Variants in ADAMTS12 observed in about 807,000 individuals in gnomAD.
The protein encoded by ADAMTS12 is A disintegrin and metalloproteinase with thrombospondin motifs 12.
A neutral mutation model predicts 167.8 loss-of-function variants in ADAMTS12; 118 were observed. That is an observed-to-expected ratio of 0.70 (90% CI 0.61 to 0.82). The LOEUF (loss-of-function observed/expected upper bound fraction) is 0.82. ADAMTS12 is among the 40% of genes least tolerant of loss of function. The probability of loss-of-function intolerance (pLI) is 0.00; values close to 1 mark genes in which losing one functional copy is unlikely to be tolerated. For missense variants in ADAMTS12, 1,916 were observed against 1,998.8 expected, an observed-to-expected ratio of 0.96 and a Z score of 0.79; for synonymous variants, 704 against 716.9, an observed-to-expected ratio of 0.98 and a Z score of 0.29.
At chr5:33,643,290 A>T (rs10066043) in intron 10 of ADAMTS12, 88 bp downstream of exon 10, 792,973 of 1,301,656 alleles carry the variant, frequency 0.61, 244,709 homozygotes, top group East Asian at 0.65. Context: ...TCCCTTAGAG[A>T]GAGTTGCCCT....
intron 2 of ADAMTS12, among the ~76,000 whole-genome samples, chr5:33,756,607 C>T (rs1561254609): frequency 1.3e-5 from 2 of 152,078 alleles, no homozygotes; most frequent in Non-Finnish European, 1.5e-5. Flanking sequence ...ACCCAGCACA[C>T]CCTACCCTCT....
Position 33,637,667 on chromosome 5 carries a change from C to T in ADAMTS12, c.1798G>A (p.Ala600Thr), listed in dbSNP as rs923118908. Residue 600 changes from alanine to threonine, a missense_variant, in exon 12 of 24, where the codon GCA (alanine) becomes ACA (threonine). Ala to Thr is a moderately conservative substitution (Grantham distance 58, BLOSUM62 0). Transcript: ENST00000504830. The part of the protein sequence containing the change: ...LCNVHPCRSE[A>T]PTFRQMQCSE... ...CACTGCATCTGCCGAAATGTTGGTG[C>T]CTCTGAGCGACAGGGGTGGACGTTG... 2.5e-6 allele frequency: 4 copies of T among 1,613,648 alleles called. No homozygotes were observed. The highest frequency in any genetic ancestry group is 3.3e-5 in the Admixed American group (2 of 59,988).
intron 14 of ADAMTS12, among the ~76,000 whole-genome samples, chr5:33,621,981 C>T (rs1042887404): frequency 2.6e-5 from 4 of 152,154 alleles, no homozygotes; most frequent in African/African-American, 4.8e-5. Context: ...TAACACACTG[C>T]GAGCAACCAT....
chr5:33,663,337 C>T (rs1323460020), intron 5 of ADAMTS12, among the ~76,000 whole-genome samples: 1 of 152,024 alleles, frequency 6.6e-6, no homozygotes, highest in African/African-American at 2.4e-5. Flanking sequence ...AGATTAACAG[C>T]CCTCCCTAGA....
chr5:33,798,820 C>T (rs1397483156), intron 2 of ADAMTS12, among the ~76,000 whole-genome samples: 7 of 152,224 alleles, frequency 4.6e-5, no homozygotes, highest in Middle Eastern at 6.8e-3. Context: ...TCTTTAAAGG[C>T]TCTGTCTCCA....
chr5:33,603,847 AG>A (rs1398171492), intron 16 of ADAMTS12: 2 of 152,254 alleles, frequency 1.3e-5, no homozygotes, highest in African/African-American at 4.8e-5. Flanking sequence ...AAACAAAATT[AG>A]ATTATAAAAT....
chr5:33,839,333 T>A (rs550118041), intron 2 of ADAMTS12, among the ~76,000 whole-genome samples: 2 of 152,342 alleles, frequency 1.3e-5, no homozygotes, highest in African/African-American at 4.8e-5. Flanking sequence ...ATTTCAAGTG[T>A]CTTTTATAGG....
chr5:33,740,066 G>A (rs910096715), intron 3 of ADAMTS12, among the ~76,000 whole-genome samples: 8 of 152,204 alleles, frequency 5.3e-5, no homozygotes, highest in African/African-American at 1.9e-4. Flanking sequence ...TCATGTAACT[G>A]ATGAGGAAAA....
chr5:33,804,435 G>A (rs1406204678), intron 2 of ADAMTS12, among the ~76,000 whole-genome samples: 1 of 152,164 alleles, frequency 6.6e-6, no homozygotes, highest in African/African-American at 2.4e-5. Context: ...GCCCAACCCT[G>A]CATGAGGGGC....
At chr5:33,611,277 C>A (rs960736341) in intron 16 of ADAMTS12, among the ~76,000 whole-genome samples, 5 of 151,312 alleles carry the variant, frequency 3.3e-5, no homozygotes, top group Admixed American at 6.6e-5. Flanking sequence ...CCCTAGTTAA[C>A]CCTGGGGAAA....
chr5:33,671,511 C>A (rs997801805), intron 5 of ADAMTS12, among the ~76,000 whole-genome samples: 93 of 152,190 alleles, frequency 6.1e-4, no homozygotes, highest in Non-Finnish European at 7.4e-5. Context: ...CAGAAAAATA[C>A]AAAAACACCT....
chr5:33,535,029 C>G (rs1220278964), intron 22 of ADAMTS12, 37 bp from the exon 23 acceptor site: 1 of 1,550,738 alleles, frequency 6.4e-7, no homozygotes, highest in Non-Finnish European at 8.7e-7. Flanking sequence ...AGAAGTCCTC[C>G]CCACGACTCC....
chr5:33,834,026 G>T (rs765341095), intron 2 of ADAMTS12, among the ~76,000 whole-genome samples: 1 of 145,534 alleles, frequency 6.9e-6, no homozygotes, highest in Non-Finnish European at 1.5e-5. Context: ...CCTTTGGAGG[G>T]CTTCTGAGGA....
intron 2 of ADAMTS12, among the ~76,000 whole-genome samples, chr5:33,783,005 G>A (rs1746194715): frequency 6.6e-6 from 1 of 151,918 alleles, no homozygotes; most frequent in South Asian, 2.1e-4. Flanking sequence ...ATTCTCCAGG[G>A]TAGACCATAT....
intron 20 of ADAMTS12, among the ~76,000 whole-genome samples, chr5:33,556,829 C>G (rs1321059904): frequency 2.6e-5 from 4 of 152,210 alleles, no homozygotes; most frequent in Non-Finnish European, 4.4e-5. Context: ...AGCCATGCAG[C>G]TGTGTGTGGG....
chr5:33,871,711 A>C (rs138566522), intron 2 of ADAMTS12, among the ~76,000 whole-genome samples: 108 of 152,294 alleles, frequency 7.1e-4, no homozygotes, highest in African/African-American at 2.6e-3. Flanking sequence ...AGATCAATAA[A>C]ATCAGTAAGC....
chr5:33,715,463 GA>G (rs1264857199), intron 3 of ADAMTS12, among the ~76,000 whole-genome samples: 1 of 151,948 alleles, frequency 6.6e-6, no homozygotes, highest in Non-Finnish European at 1.5e-5. Flanking sequence ...TCTAGCATTA[GA>G]AAAAATAAGC....
At chr5:33,804,246 C>T (rs1215432577) in intron 2 of ADAMTS12, among the ~76,000 whole-genome samples, 1 of 152,308 alleles carries the variant, frequency 6.6e-6, no homozygotes, top group East Asian at 1.9e-4. Flanking sequence ...ATAGAGTTCC[C>T]TGCCCCTTGA....
chr5:33,674,150 A>G (rs1037258878), intron 5 of ADAMTS12, among the ~76,000 whole-genome samples: 1 of 152,124 alleles, frequency 6.6e-6, no homozygotes, highest in African/African-American at 2.4e-5. Flanking sequence ...GATGCACACC[A>G]CCCATGAAGG....
Sources: allele counts gnomAD v4.1 joint callset (sites outside exome capture counted in the v4.1 genomes callset), GRCh38; gene constraint gnomAD v4.1.1; transcripts MANE v1.5; gene names NCBI Gene and HGNC (gene_info 2026-07-23, HGNC 2026-07-21).